The following EPHA8 variants were observed in gnomAD, a reference collection of about 807,000 sequenced individuals.
EPHA8 encodes ephrin type-A receptor 8.
In EPHA8, 58 loss-of-function variants were observed where a neutral mutation model predicts 103.6. The observed-to-expected ratio is 0.56, with a 90% CI of 0.45 to 0.70. EPHA8 has a LOEUF of 0.70. Among genes scored for constraint, EPHA8 ranks in the 30% least tolerant of loss-of-function variants. The pLI is 0.00. For synonymous variants in EPHA8, 559 were observed against 572.5 expected, an observed-to-expected ratio of 0.98 and a Z score of 0.34; for missense variants, 1,304 against 1,395.2, an observed-to-expected ratio of 0.93 and a Z score of 1.04.
At chr1:22,574,201 G>A (rs190388234) in intron 2 of EPHA8, among the ~76,000 whole-genome samples, 5 of 152,166 alleles carry the variant, frequency 3.3e-5, no homozygotes, top group African/African-American at 9.6e-5. Context: ...GGATGGTGTC[G>A]ATCTCCTGAC....
chr1:22,599,728 GAAGGAAGGAGGGAGGGAGGA>G (rs1557583402), intron 13 of EPHA8, among the ~76,000 whole-genome samples: 1 of 850 alleles, frequency 1.2e-3, no homozygotes, highest in African/African-American at 3.5e-3. Flanking sequence ...GGGAGGGAGG[GAAGGAAGGAGGGAGGGAGGA>G]AGGAGGGAAA....
intron 3 of EPHA8, among the ~76,000 whole-genome samples, chr1:22,581,296 A>AT (rs1267356146): frequency 6.6e-5 from 10 of 152,232 alleles, no homozygotes; most frequent in Admixed American, 3.3e-4. Context: ...CTGGTACAGC[A>AT]TAAGTCATAA....
rs1015933925 is a variant in EPHA8 at position 22,599,168 on chromosome 1, A to G, written c.2388+121A>G. The G allele has an allele frequency of 1.7e-5, 17 of 1,000,564 alleles. No individual in the cohort carries two copies. The African/African-American group carries it at 2.4e-4, about 14-fold the overall frequency. 62.0% of individuals were successfully genotyped at this position (1,000,564 alleles called of 1,614,324 possible). On this transcript the variant is annotated intron_variant, in intron 13 of 16. Coordinates refer to ENST00000166244, the MANE Select transcript of EPHA8 (RefSeq NM_020526.5). ...GTTGGCAGTTTCGGGGTGGCCCTCA[A>G]CCTGGGGCACATCCTGTTTCTCCTC...
At chr1:22,577,311 T>C (rs1219239878) in intron 3 of EPHA8, among the ~76,000 whole-genome samples, 5 of 152,208 alleles carry the variant, frequency 3.3e-5, no homozygotes, top group Non-Finnish European at 7.4e-5. Context: ...ACTACTGTTA[T>C]CCTGGTTTTA....
At chr1:22,579,116 T>TGC (rs1640948259) in intron 3 of EPHA8, among the ~76,000 whole-genome samples, 2 of 126,014 alleles carry the variant, frequency 1.6e-5, no homozygotes, top group East Asian at 2.0e-4. Flanking sequence ...TGTGCATGTG[T>TGC]ACGTGTATGT....
At chr1:22,586,745 C>G in intron 4 of EPHA8, 110 bp downstream of exon 4, 136 of 1,269,448 alleles carry the variant, frequency 1.1e-4, no homozygotes, top group East Asian at 2.0e-4. Flanking sequence ...GGGGCAGGGG[C>G]GGGTGGCTCT....
chr1:22,586,084 C>T (rs867884152), intron 3 of EPHA8, among the ~76,000 whole-genome samples: 2 of 152,142 alleles, frequency 1.3e-5, no homozygotes, highest in African/African-American at 2.4e-5. Context: ...CCTAGGCTGG[C>T]GTCCCACGTA....
intron 8 of EPHA8, 109 bp downstream of exon 8, chr1:22,595,432 A>G: frequency 1.3e-6 from 1 of 759,738 alleles, no homozygotes; most frequent in Non-Finnish European, 2.2e-6. Flanking sequence ...GGGCTGGCTC[A>G]CTTACAAACA....
At chr1:22,596,336 G>A (rs1158637357) in intron 9 of EPHA8, among the ~76,000 whole-genome samples, 163 bp downstream of exon 9, 1 of 152,194 alleles carries the variant, frequency 6.6e-6, no homozygotes, top group East Asian at 1.9e-4. Context: ...GCCCCAGAGG[G>A]CAGCGCCGTT....
intron 3 of EPHA8, among the ~76,000 whole-genome samples, chr1:22,585,429 T>G (rs1171883363): frequency 6.6e-6 from 1 of 152,156 alleles, no homozygotes; most frequent in Admixed American, 6.5e-5. Context: ...GACTCCTTAT[T>G]CTTTAGGCCA....
intron 8 of EPHA8, among the ~76,000 whole-genome samples, chr1:22,595,776 G>T (rs1422506864): frequency 1.3e-5 from 2 of 152,198 alleles, no homozygotes; most frequent in Admixed American, 6.5e-5. Flanking sequence ...CATGTAGTTG[G>T]CCACAGAAGC....
rs1641491394 is a variant in EPHA8 at position 22,595,415 on chromosome 1, G to A, written c.1697+92G>A. 5.7e-6 allele frequency: 6 copies of A among 1,049,800 alleles called. No individual in the cohort carries two copies. In the East Asian group the frequency reaches 1.5e-4, roughly 26 times the overall value. 65.0% of individuals were successfully genotyped at this position (1,049,800 alleles called of 1,614,324 possible). A position where few individuals can be genotyped will look rare whatever the true frequency, so the allele number is the denominator to read the frequency against. ...GCCCCACCGAGCCGGTGGTCCCCGT[G>A]TGCCTGGGGCTGGCTCACTTACAAA... On this transcript the variant is annotated intron_variant, in intron 8 of 16. Coordinates refer to ENST00000166244, the MANE Select transcript of EPHA8 (RefSeq NM_020526.5).
intron 4 of EPHA8, among the ~76,000 whole-genome samples, chr1:22,587,787 G>C (rs1435411443): frequency 1.3e-5 from 2 of 152,118 alleles, no homozygotes; most frequent in Non-Finnish European, 2.9e-5. Context: ...CATGGCAGGC[G>C]AGGGCCCAGG....
chr1:22,580,033 G>T (rs1322246498), intron 3 of EPHA8, among the ~76,000 whole-genome samples: 1 of 151,906 alleles, frequency 6.6e-6, no homozygotes, highest in Admixed American at 6.6e-5. Context: ...CTTAGGAGCC[G>T]TCTTGCCCAG....
Position 22,597,305 on chromosome 1 carries a change from C to T in EPHA8, c.1766-7C>T. 1.9e-6 allele frequency: 3 copies of T among 1,595,176 alleles called. No homozygotes were observed. The highest frequency in any genetic ancestry group is 2.6e-6 in the Non-Finnish European group (3 of 1,167,098). On this transcript the variant is annotated splice_region_variant and splice_polypyrimidine_tract_variant and intron_variant, in intron 9 of 16. Coordinates refer to ENST00000166244, the MANE Select transcript of EPHA8 (RefSeq NM_020526.5). This position sits in a 1 kb window ranked among gnomAD's most constrained non-coding sequence, Gnocchi z 4.6. ...GCCCCACTGAAGGCCCTCCTCCCGC[C>T]CCTCAGCACCCCCACCTGTCTTCCT...
At chr1:22,596,383 T>C (rs964554624) in intron 9 of EPHA8, among the ~76,000 whole-genome samples, 3 of 152,146 alleles carry the variant, frequency 2.0e-5, no homozygotes, top group Non-Finnish European at 4.4e-5. Context: ...TTCAGGATGC[T>C]AGAGATCCTC....
Position 22,578,476 on chromosome 1 carries a change from G to T in EPHA8, c.823+1596G>T, listed in dbSNP as rs552518819. Among the ~76,000 whole-genome samples the T allele has an allele frequency of 4.6e-5, 7 of 151,048 alleles. No homozygotes were observed. In the East Asian group the frequency reaches 1.2e-3, roughly 26 times the overall value. On this transcript the variant is annotated intron_variant, in intron 3 of 16. Transcript: ENST00000166244. ...CGAGTGTATGCATGTGTGTGCATGT[G>T]CATGAGTGTGTGCATGTGTGCATGA...
At chr1:22,578,037 A>G (rs989609784) in intron 3 of EPHA8, among the ~76,000 whole-genome samples, 1 of 32,538 alleles carries the variant, frequency 3.1e-5, no homozygotes, top group Middle Eastern at 0.029. Context: ...GTGCATGTGT[A>G]TGTATGTGCA....
chr1:22,570,790 C>G (rs1239106931), intron 2 of EPHA8, among the ~76,000 whole-genome samples: 1 of 152,272 alleles, frequency 6.6e-6, no homozygotes, highest in East Asian at 1.9e-4. Context: ...CCCAGCACCA[C>G]TGCCTGAGCG....
Sources: allele counts gnomAD v4.1 joint callset (sites outside exome capture counted in the v4.1 genomes callset), GRCh38; gene constraint gnomAD v4.1.1; non-coding constraint Gnocchi (gnomAD v3.1); transcripts MANE v1.5; gene names NCBI Gene and HGNC (gene_info 2026-07-23, HGNC 2026-07-21).